The following ELOC variants were observed in gnomAD, a reference collection of about 807,000 sequenced individuals.
ELOC encodes elongin-C.
For synonymous variants in ELOC, 40 were observed against 51.3 expected, an observed-to-expected ratio of 0.78 and a Z score of 0.94; for missense variants, 38 against 139.0, an observed-to-expected ratio of 0.27 and a Z score of 3.65.
chr8:73,970,990 A>C (rs1285911345), intron 1 of ELOC, among the ~76,000 whole-genome samples: 2 of 142,440 alleles, frequency 1.4e-5, no homozygotes, highest in Non-Finnish European at 3.0e-5. Flanking sequence ...GCCGAGATCA[A>C]GTCACTGCAC....
intron 2 of ELOC, among the ~76,000 whole-genome samples, chr8:73,956,967 C>A (rs1333329089): frequency 1.3e-5 from 2 of 151,942 alleles, no homozygotes; most frequent in Non-Finnish European, 2.9e-5. Flanking sequence ...CAGTGGAGAT[C>A]GAGACCATCC....
intron 1 of ELOC, among the ~76,000 whole-genome samples, chr8:73,967,748 G>GT (rs1459398830): frequency 4.6e-5 from 7 of 152,244 alleles, no homozygotes; most frequent in African/African-American, 1.4e-4. Context: ...GATTACAGGC[G>GT]TGAGCCACTG....
chr8:73,951,680 AAAACAAC>A (rs1227330247), intron 3 of ELOC, among the ~76,000 whole-genome samples: 1 of 149,366 alleles, frequency 6.7e-6, no homozygotes, highest in African/African-American at 2.4e-5. Context: ...CAACAACAAC[AAAACAAC>A]AGACAAAACC....
At chr8:73,970,137 G>A (rs1163051739) in intron 1 of ELOC, among the ~76,000 whole-genome samples, 1 of 152,192 alleles carries the variant, frequency 6.6e-6, no homozygotes, top group Non-Finnish European at 1.5e-5. Flanking sequence ...AGCTACTAGG[G>A]AGGCTGAGGC....
Position 73,946,554 on chromosome 8 carries a change from A to G in ELOC, c.*76T>C, listed in dbSNP as rs553032412. ...CAACTGCATACAGGCAACATGCTATATATGAAAAAGTTACTAACTGAACTA... is the reference window on the plus strand; with the variant it reads ...CAACTGCATACAGGCAACATGCTATGTATGAAAAAGTTACTAACTGAACTA... On this transcript the variant is annotated 3_prime_UTR_variant, in exon 4 of 4. Coordinates refer to ENST00000520242, the MANE Select transcript of ELOC (RefSeq NM_005648.4). 4.1e-5 allele frequency: 48 copies of G among 1,157,844 alleles called. No homozygotes were observed. Among genetic ancestry groups the G allele is most frequent in the Admixed American group, 2.1e-4 (8 of 37,232 alleles). The allele number at this position is 1,157,844 out of a possible 1,614,324, so 71.7% of individuals were successfully genotyped here.
chr8:73,949,713 G>A (rs568574514), intron 3 of ELOC, among the ~76,000 whole-genome samples: 10 of 152,286 alleles, frequency 6.6e-5, no homozygotes, highest in Admixed American at 3.9e-4. Context: ...CATACGGACT[G>A]TAGCATGCTA....
chr8:73,956,127 G>A lies in ELOC; in HGVS notation c.5-73C>T, dbSNP rs530871444. ...TAAAACTAAACAGGTTTGGCTGGGCGCAGTGGCTCACGCCTGTAATCCCAG... is the reference window on the plus strand; with the variant it reads ...TAAAACTAAACAGGTTTGGCTGGGCACAGTGGCTCACGCCTGTAATCCCAG... On this transcript the variant is annotated intron_variant, in intron 2 of 3. Transcript: ENST00000520242. The A allele has an allele frequency of 4.5e-5, 66 of 1,452,308 alleles. 1 individual carries two copies. The highest frequency in any genetic ancestry group is 1.8e-4 in the Middle Eastern group (1 of 5,580). 90.0% of individuals were successfully genotyped at this position (1,452,308 alleles called of 1,614,324 possible). A position where few individuals can be genotyped will look rare whatever the true frequency, so the allele number is the denominator to read the frequency against.
chr8:73,956,318 G>C (rs528159343), intron 2 of ELOC, among the ~76,000 whole-genome samples: 1 of 152,188 alleles, frequency 6.6e-6, no homozygotes, highest in Non-Finnish European at 1.5e-5. Flanking sequence ...CTCGGAGGTG[G>C]AGGCTGCAGT....
chr8:73,959,457 AAAAACTAAGATAC>A (rs1351695132), intron 2 of ELOC, among the ~76,000 whole-genome samples: 22 of 152,154 alleles, frequency 1.4e-4, no homozygotes, highest in African/African-American at 5.3e-4. Context: ...TTTTTTTGTT[AAAAACTAAGATAC>A]AATCACACAT....
At chr8:73,956,193 C>T in intron 2 of ELOC, 139 bp from the exon 3 acceptor site, 1 of 710,294 alleles carries the variant, frequency 1.4e-6, no homozygotes, top group Non-Finnish European at 2.3e-6. Flanking sequence ...GAGTTCAAGA[C>T]CAGCCTGGTC....
At position 73,945,352 on chromosome 8, in the gene ELOC, C is replaced by A. The variant is rs1470216120; in HGVS notation, c.*1278G>T. On this transcript the variant is annotated 3_prime_UTR_variant, in exon 4 of 4. Transcript: ENST00000520242. ...CAGGCTGGTCTCAAACTCCTGGCCT[C>A]AAGTGATCTACCCGCCTCGTCCTCT... is the stretch of plus-strand genomic sequence containing the variant. 6.6e-6 allele frequency: 1 copy of A among 152,130 alleles called. No individual in the cohort carries two copies. The allele number at this position is 152,130 out of a possible 1,614,324, so 9.4% of individuals were successfully genotyped here.
intron 3 of ELOC, among the ~76,000 whole-genome samples, chr8:73,948,052 C>T (rs538622439): frequency 2.0e-5 from 3 of 152,026 alleles, no homozygotes; most frequent in South Asian, 2.1e-4. Context: ...ATTAGCTGGC[C>T]GTGGTGGTGA....
At chr8:73,956,604 A>G (rs916578946) in intron 2 of ELOC, among the ~76,000 whole-genome samples, 10 of 152,180 alleles carry the variant, frequency 6.6e-5, no homozygotes, top group Non-Finnish European at 1.2e-4. Flanking sequence ...AGTTTTTTCA[A>G]GGAGGTGTTA....
chr8:73,957,593 TCA>T (rs1217635961), intron 2 of ELOC, among the ~76,000 whole-genome samples: 1 of 152,172 alleles, frequency 6.6e-6, no homozygotes. Context: ...AGTATCAAAA[TCA>T]CTCATGTGCT....
At position 73,945,844 on chromosome 8, in the gene ELOC, C is replaced by T. The variant is rs1343176439; in HGVS notation, c.*786G>A. The stretch of plus-strand genomic sequence containing the variant: ...AGTCTTTTAAAATACATTTAAACAA[C>T]TGGAAGTATAATCACAACAAGGGAC... On this transcript the variant is annotated 3_prime_UTR_variant, in exon 4 of 4. Coordinates refer to ENST00000520242, the MANE Select transcript of ELOC (RefSeq NM_005648.4). 1.3e-5 allele frequency: 2 copies of T among 152,140 alleles called. No individual in the cohort carries two copies. Among genetic ancestry groups the T allele is most frequent in the Non-Finnish European group, 2.9e-5 (2 of 68,026 alleles). The allele number at this position is 152,140 out of a possible 1,614,324, so 9.4% of individuals were successfully genotyped here. A position where few individuals can be genotyped will look rare whatever the true frequency, so the allele number is the denominator to read the frequency against.
chr8:73,964,551 T>C (rs1814839319), intron 1 of ELOC: 1 of 152,040 alleles, frequency 6.6e-6, no homozygotes, highest in Non-Finnish European at 1.5e-5. Flanking sequence ...ATCGCAACAC[T>C]TTGGGAGGGA....
At chr8:73,948,019 C>T (rs1000558111) in intron 3 of ELOC, among the ~76,000 whole-genome samples, 8 of 151,876 alleles carry the variant, frequency 5.3e-5, no homozygotes, top group Admixed American at 3.3e-4. Context: ...ATAGTGAAAC[C>T]CCATCTGTAC....
At chr8:73,951,645 CCCACAACA>C (rs1813765220) in intron 3 of ELOC, among the ~76,000 whole-genome samples, 1 of 86,984 alleles carries the variant, frequency 1.1e-5, no homozygotes, top group African/African-American at 5.1e-5. Context: ...AACAAAAAAC[CCCACAACA>C]ACAACAACAA....
intron 3 of ELOC, 22 bp downstream of exon 3, chr8:73,955,885 GAAGA>G: frequency 6.4e-7 from 1 of 1,572,212 alleles, no homozygotes; most frequent in Non-Finnish European, 8.6e-7. Context: ...GTGAATATAT[GAAGA>G]AAAAGACAGA....
Sources: allele counts gnomAD v4.1 joint callset (sites outside exome capture counted in the v4.1 genomes callset), GRCh38; gene constraint gnomAD v4.1.1; transcripts MANE v1.5; gene names NCBI Gene and HGNC (gene_info 2026-07-23, HGNC 2026-07-21).